Variants in IFT56 observed in about 807,000 individuals in gnomAD.
IFT56 encodes the protein intraflagellar transport protein 56.
At chr7:139,164,288 T>C in the IFT56 span, among the ~76,000 whole-genome samples, 3 of 152,176 alleles carry the variant, frequency 2.0e-5, no homozygotes, top group African/African-American at 7.2e-5. Context: ...CATAATAACC[T>C]GAAAGGTAGG....
chr7:139,191,784 T>C, the IFT56 span: 3 of 152,208 alleles, frequency 2.0e-5, no homozygotes, highest in Admixed American at 2.0e-4. Flanking sequence ...TTTTCTTACA[T>C]GTGATGATGG....
At chr7:139,153,836 A>G in the IFT56 span, among the ~76,000 whole-genome samples, 53 of 152,196 alleles carry the variant, frequency 3.5e-4, no homozygotes, top group African/African-American at 1.2e-3. Flanking sequence ...TATGTTTTCA[A>G]TTCTCTCAGG....
the IFT56 span, among the ~76,000 whole-genome samples, chr7:139,149,584 C>G: frequency 7.8e-3 from 1,181 of 152,166 alleles, 27 homozygotes; most frequent in East Asian, 0.074. Flanking sequence ...CATTCTCACT[C>G]CTGGAATGAC....
chr7:139,156,850 G>A, the IFT56 span, among the ~76,000 whole-genome samples: 49 of 152,166 alleles, frequency 3.2e-4, no homozygotes, highest in East Asian at 5.2e-3. Flanking sequence ...AATGCCATAC[G>A]GCCTTAATTA....
At chr7:139,191,054 T>A in the IFT56 span, 1 of 152,096 alleles carries the variant, frequency 6.6e-6, no homozygotes, top group Non-Finnish European at 1.5e-5. Flanking sequence ...CAAGAAGAGA[T>A]CGATGACTGA....
chr7:139,182,746 G>T, the IFT56 span, among the ~76,000 whole-genome samples: 1 of 152,062 alleles, frequency 6.6e-6, no homozygotes, highest in Non-Finnish European at 1.5e-5. Flanking sequence ...GAAAGAGAAG[G>T]AAGAGTAAAT....
chr7:139,188,974 A>G, the IFT56 span, among the ~76,000 whole-genome samples: 1 of 152,228 alleles, frequency 6.6e-6, no homozygotes, highest in African/African-American at 2.4e-5. Flanking sequence ...CTTGAACCCC[A>G]ACTTCTGGAT....
the IFT56 span, among the ~76,000 whole-genome samples, chr7:139,149,542 A>G: frequency 1.3e-5 from 2 of 152,014 alleles, no homozygotes; most frequent in Non-Finnish European, 2.9e-5. Flanking sequence ...TCCACATGCC[A>G]TGCTCTCTTA....
chr7:139,156,457 A>G, the IFT56 span, among the ~76,000 whole-genome samples: 1 of 151,830 alleles, frequency 6.6e-6, no homozygotes, highest in Non-Finnish European at 1.5e-5. Flanking sequence ...ATAGGCATTT[A>G]CAACTATAAA....
chr7:139,161,122 A>C, the IFT56 span: 21 of 1,053,444 alleles, frequency 2.0e-5, no homozygotes, highest in Middle Eastern at 2.0e-4. Context: ...GCCAGCAAGT[A>C]ATGCTTTACT....
chr7:139,140,102 A>G, the IFT56 span: 1 of 732,928 alleles, frequency 1.4e-6, no homozygotes, highest in Non-Finnish European at 2.1e-6. Context: ...TTGAGAAAAA[A>G]AAAATTGATA....
At chr7:139,146,766 C>CAAAA in the IFT56 span, among the ~76,000 whole-genome samples, 1 of 88,720 alleles carries the variant, frequency 1.1e-5, no homozygotes, top group African/African-American at 3.4e-5. Flanking sequence ...GACTCCGTTT[C>CAAAA]AAAAAAAAAA....
the IFT56 span, chr7:139,173,050 T>C: frequency 4.2e-5 from 31 of 734,446 alleles, no homozygotes; most frequent in East Asian, 7.5e-4. Context: ...CTGCAATGCT[T>C]CCAACTCAGC....
At chr7:139,137,436 CA>C in the IFT56 span, among the ~76,000 whole-genome samples, 1 of 152,180 alleles carries the variant, frequency 6.6e-6, no homozygotes, top group East Asian at 1.9e-4. Context: ...CGGAGGGTGA[CA>C]ACACGGGCTT....
the IFT56 span, among the ~76,000 whole-genome samples, chr7:139,186,765 C>T: frequency 6.6e-6 from 1 of 152,068 alleles, no homozygotes; most frequent in South Asian, 2.1e-4. Context: ...CTCAGTTTAT[C>T]CTCAAGATTA....
chr7:139,137,701 A>C, the IFT56 span: 2 of 567,668 alleles, frequency 3.5e-6, no homozygotes, highest in Non-Finnish European at 6.3e-6. Flanking sequence ...CTTGTCCTGT[A>C]GGTATAGGTT....
At chr7:139,149,966 T>C in the IFT56 span, among the ~76,000 whole-genome samples, 4 of 152,168 alleles carry the variant, frequency 2.6e-5, no homozygotes, top group East Asian at 7.7e-4. Flanking sequence ...TGTTCTACAC[T>C]ATATCTATAT....
the IFT56 span, among the ~76,000 whole-genome samples, chr7:139,175,995 T>A: frequency 6.6e-6 from 1 of 151,712 alleles, no homozygotes; most frequent in South Asian, 2.1e-4. Context: ...CGCCCGGTAT[T>A]TTTAGTAGAG....
the IFT56 span, among the ~76,000 whole-genome samples, chr7:139,136,039 T>C: frequency 6.6e-6 from 1 of 152,130 alleles, no homozygotes; most frequent in Non-Finnish European, 1.5e-5. Context: ...TTCTCCTGCC[T>C]CAGCCTCCTG....
Sources: allele counts gnomAD v4.1 joint callset (sites outside exome capture counted in the v4.1 genomes callset), GRCh38; gene constraint gnomAD v4.1.1; transcripts MANE v1.5; gene names NCBI Gene and HGNC (gene_info 2026-07-23, HGNC 2026-07-21).